CNTN5: variants seen among roughly 807,000 people sequenced by gnomAD.
CNTN5 encodes the protein contactin 5, also known as contactin-5.
In CNTN5, 77 loss-of-function variants were observed where a neutral mutation model predicts 129.1. That is an observed-to-expected ratio of 0.60 (90% CI 0.50 to 0.72). The LOEUF is 0.72. Among genes scored for constraint, CNTN5 ranks in the 30% least tolerant of loss-of-function variants. CNTN5 has a pLI of 0.00. For missense variants in CNTN5, 1,478 were observed against 1,328.8 expected, an observed-to-expected ratio of 1.11 and a Z score of -1.75; for synonymous variants, 509 against 465.6, an observed-to-expected ratio of 1.09 and a Z score of -1.20.
At chr11:99,383,301 T>G (rs1010592211) in intron 2 of CNTN5, among the ~76,000 whole-genome samples, 1 of 152,216 alleles carries the variant, frequency 6.6e-6, no homozygotes, top group African/African-American at 2.4e-5. Context: ...TTACTAGCTT[T>G]GTTTCTCTGA....
intron 4 of CNTN5, among the ~76,000 whole-genome samples, chr11:99,827,806 C>T (rs963547726): frequency 2.7e-5 from 4 of 150,834 alleles, no homozygotes; most frequent in African/African-American, 7.3e-5. Context: ...AATCAGAATG[C>T]TTTCTGAATG....
chr11:99,428,585 A>G (rs1430508819), intron 2 of CNTN5, among the ~76,000 whole-genome samples: 1 of 151,522 alleles, frequency 6.6e-6, no homozygotes, highest in Non-Finnish European at 1.5e-5. Context: ...AAAGGAAAAA[A>G]AAGATGTTTC....
intron 1 of CNTN5, among the ~76,000 whole-genome samples, chr11:99,178,371 A>C (rs1857885656): frequency 7.3e-6 from 1 of 137,216 alleles, no homozygotes; most frequent in African/African-American, 2.7e-5. Context: ...CACACACAAA[A>C]TTAGCCAGGT....
At chr11:99,804,176 T>G (rs1277742859) in intron 3 of CNTN5, among the ~76,000 whole-genome samples, 2 of 152,052 alleles carry the variant, frequency 1.3e-5, no homozygotes, top group Admixed American at 6.6e-5. Flanking sequence ...ATTTATAAAA[T>G]TAAATATGAA....
chr11:99,061,939 C>T (rs1212989432), intron 1 of CNTN5, among the ~76,000 whole-genome samples: 1 of 151,470 alleles, frequency 6.6e-6, no homozygotes, highest in Non-Finnish European at 1.5e-5. Flanking sequence ...TTACAGTGAG[C>T]TACGGTTGCA....
chr11:99,467,838 T>G (rs1414818379), intron 2 of CNTN5, among the ~76,000 whole-genome samples: 1 of 152,144 alleles, frequency 6.6e-6, no homozygotes, highest in African/African-American at 2.4e-5. Flanking sequence ...TGTGCTTATA[T>G]CTTACCATAT....
rs139591908 is a variant in CNTN5 at position 99,136,652 on chromosome 11, C to A, written c.-210+115382C>A. 3.1e-3 allele frequency among the ~76,000 whole-genome samples: 470 copies of A among 152,182 alleles called. 5 individuals are homozygous for A. The highest frequency in any genetic ancestry group is 0.01 in the African/African-American group (435 of 41,542). Reference sequence around the variant, plus strand: ...GAAATATGCTTTTATGTACACACATCTCCTTCTCCTGAAGCTGCAGCTTAT... The same window carrying A: ...GAAATATGCTTTTATGTACACACATATCCTTCTCCTGAAGCTGCAGCTTAT... On this transcript the variant is annotated intron_variant, in intron 1 of 24. Transcript: ENST00000524871.
At chr11:100,344,574 G>A (rs1317980768) in intron 23 of CNTN5, among the ~76,000 whole-genome samples, 1 of 152,054 alleles carries the variant, frequency 6.6e-6, no homozygotes. Flanking sequence ...TCTGGTGTTT[G>A]ATAGATCAGA....
chr11:99,437,684 C>T (rs553804801), intron 2 of CNTN5, among the ~76,000 whole-genome samples: 4 of 152,004 alleles, frequency 2.6e-5, no homozygotes, highest in Admixed American at 6.5e-5. Flanking sequence ...AAAAATTAGC[C>T]GGGTGGCATG....
intron 1 of CNTN5, among the ~76,000 whole-genome samples, chr11:99,066,727 G>A (rs1475023928): frequency 6.6e-6 from 1 of 152,086 alleles, no homozygotes; most frequent in Non-Finnish European, 1.5e-5. Context: ...AGTGGCCCCA[G>A]CTCTTACATT....
intron 2 of CNTN5, among the ~76,000 whole-genome samples, chr11:99,432,385 GA>G (rs2135109759): frequency 6.6e-6 from 1 of 152,082 alleles, no homozygotes; most frequent in East Asian, 1.9e-4. Context: ...TAACTACGTA[GA>G]AGATTTAACC....
intron 1 of CNTN5, among the ~76,000 whole-genome samples, chr11:99,278,830 T>C (rs535748839): frequency 9.2e-5 from 14 of 151,810 alleles, no homozygotes; most frequent in African/African-American, 3.4e-4. Flanking sequence ...TTCAAATGTA[T>C]CTGAAAAGCA....
At chr11:100,197,182 C>T (rs547077449) in intron 15 of CNTN5, among the ~76,000 whole-genome samples, 3 of 151,954 alleles carry the variant, frequency 2.0e-5, no homozygotes, top group South Asian at 2.1e-4. Flanking sequence ...GAGCTTAGTG[C>T]GTGTTTTGGG....
At chr11:99,564,687 T>C (rs1306102045) in intron 3 of CNTN5, among the ~76,000 whole-genome samples, 1 of 152,204 alleles carries the variant, frequency 6.6e-6, no homozygotes, top group African/African-American at 2.4e-5. Context: ...AACATTTTAA[T>C]CTCTATTGTG....
chr11:100,234,792 T>TAAAAAAAA (rs781363668), intron 16 of CNTN5, among the ~76,000 whole-genome samples: 17 of 102,028 alleles, frequency 1.7e-4, no homozygotes, highest in South Asian at 8.2e-4. Context: ...TCCCAGAATT[T>TAAAAAAAA]AAAAAAAAAA....
At chr11:100,093,693 C>T (rs1248319975) in intron 13 of CNTN5, among the ~76,000 whole-genome samples, 1 of 152,110 alleles carries the variant, frequency 6.6e-6, no homozygotes, top group Admixed American at 6.6e-5. Context: ...AGTTCAGGGC[C>T]ACAATCAGGA....
At chr11:99,688,171 T>C (rs946211119) in intron 3 of CNTN5, among the ~76,000 whole-genome samples, 1 of 152,192 alleles carries the variant, frequency 6.6e-6, no homozygotes, top group African/African-American at 2.4e-5. Flanking sequence ...AGTAGTCATA[T>C]AGTAAATCAG....
chr11:100,146,636 T>A (rs1946859791), intron 13 of CNTN5, among the ~76,000 whole-genome samples: 1 of 152,100 alleles, frequency 6.6e-6, no homozygotes. Context: ...CCACAGAACG[T>A]TTAATTACTA....
At chr11:99,134,694 C>T (rs1859128416) in intron 1 of CNTN5, among the ~76,000 whole-genome samples, 2 of 151,928 alleles carry the variant, frequency 1.3e-5, no homozygotes, top group South Asian at 4.1e-4. Context: ...AATTATGTGT[C>T]AAGATGCCAG....
Sources: allele counts gnomAD v4.1 joint callset (sites outside exome capture counted in the v4.1 genomes callset), GRCh38; gene constraint gnomAD v4.1.1; transcripts MANE v1.5; gene names NCBI Gene and HGNC (gene_info 2026-07-23, HGNC 2026-07-21).